The following SNX7 variants were observed in gnomAD, a reference collection of about 807,000 sequenced individuals.
SNX7 encodes the protein sorting nexin-7.
A neutral mutation model predicts 48.4 loss-of-function variants in SNX7; 35 were observed. The observed-to-expected ratio is 0.72, with a 90% CI of 0.55 to 0.96. The LOEUF (loss-of-function observed/expected upper bound fraction) is 0.96, where lower values mean the gene tolerates loss of function less well. Among genes scored for constraint, SNX7 ranks in the 40% least tolerant of loss-of-function variants. The probability of loss-of-function intolerance (pLI) is 0.00; values close to 1 mark genes in which losing one functional copy is unlikely to be tolerated. For synonymous variants in SNX7, 190 were observed against 190.2 expected, an observed-to-expected ratio of 1.00 and a Z score of 0.01; for missense variants, 553 against 548.9, an observed-to-expected ratio of 1.01 and a Z score of -0.07.
intron 7 of SNX7, among the ~76,000 whole-genome samples, chr1:98,708,840 C>T (rs1431583487): frequency 1.3e-5 from 2 of 152,076 alleles, no homozygotes; most frequent in African/African-American, 2.4e-5. Flanking sequence ...CAAAAATCAC[C>T]GTATCTACCT....
chr1:98,700,149 T>C (rs2100972995), intron 6 of SNX7, among the ~76,000 whole-genome samples: 1 of 152,342 alleles, frequency 6.6e-6, no homozygotes, highest in East Asian at 1.9e-4. Flanking sequence ...TTTGATTGAA[T>C]TAATTTTTAG....
intron 7 of SNX7, among the ~76,000 whole-genome samples, chr1:98,737,422 T>TA (rs1653839664): frequency 6.6e-6 from 1 of 152,200 alleles, no homozygotes; most frequent in African/African-American, 2.4e-5. Context: ...TAAGCTGTGG[T>TA]AAAAACAGGG....
chr1:98,665,411 A>G (rs1473173730), intron 1 of SNX7, among the ~76,000 whole-genome samples: 2 of 152,230 alleles, frequency 1.3e-5, no homozygotes, highest in African/African-American at 4.8e-5. Flanking sequence ...CCATGAAATG[A>G]ATTATTTAGT....
intron 7 of SNX7, among the ~76,000 whole-genome samples, chr1:98,735,663 T>C (rs1653735936): frequency 6.6e-6 from 1 of 152,150 alleles, no homozygotes; most frequent in African/African-American, 2.4e-5. Flanking sequence ...GAACATTTAG[T>C]AGGCAAATTT....
chr1:98,692,625 C>A (rs984710319), intron 4 of SNX7, among the ~76,000 whole-genome samples: 1 of 152,130 alleles, frequency 6.6e-6, no homozygotes, highest in Non-Finnish European at 1.5e-5. Flanking sequence ...GAACTACTCA[C>A]ATGGAGATGA....
rs774650075 is a variant in SNX7 at position 98,691,066 on chromosome 1, T to C, written c.364-9T>C. On this transcript the variant is annotated splice_polypyrimidine_tract_variant and intron_variant, in intron 2 of 8. Transcript: ENST00000306121. ...TGCATGTGCTGTTATTTTCTCTTACTTTCTTCAGACATCTCGTGGGGAATT... is the reference window on the plus strand; with the variant it reads ...TGCATGTGCTGTTATTTTCTCTTACCTTCTTCAGACATCTCGTGGGGAATT... 3 of 1,582,300 alleles carry C rather than the reference T, an allele frequency of 1.9e-6. No individual in the cohort carries two copies. In the South Asian group the frequency reaches 3.4e-5, roughly 18 times the overall value.
intron 7 of SNX7, among the ~76,000 whole-genome samples, chr1:98,727,212 A>G (rs1024402973): frequency 1.3e-5 from 1 of 78,020 alleles, no homozygotes; most frequent in Non-Finnish European, 3.4e-5. Flanking sequence ...TCTGTCTCAA[A>G]TAAAGTTTTT....
chr1:98,731,932 A>G (rs1351255588), intron 7 of SNX7, among the ~76,000 whole-genome samples: 1 of 152,104 alleles, frequency 6.6e-6, no homozygotes, highest in African/African-American at 2.4e-5. Flanking sequence ...GCTTTTATGT[A>G]ATTAAATGTA....
Position 98,701,914 on chromosome 1 carries a change from A to C in SNX7, c.1125+11A>C, listed in dbSNP as rs969793587. On this transcript the variant is annotated intron_variant, in intron 7 of 8. Coordinates refer to ENST00000306121, the MANE Select transcript of SNX7 (RefSeq NM_015976.5). ...GCAGATACTGATCTGGTAAGTTTTTAAGTTTCTTGATACAATCATATAGAA... is the reference window on the plus strand; with the variant it reads ...GCAGATACTGATCTGGTAAGTTTTTCAGTTTCTTGATACAATCATATAGAA... 6.3e-7 allele frequency: 1 copy of C among 1,579,000 alleles called. No individual in the cohort carries two copies. Among genetic ancestry groups the C allele is most frequent in the African/African-American group, 1.4e-5 (1 of 73,864 alleles).
chr1:98,726,375 G>A (rs917544399), intron 7 of SNX7, among the ~76,000 whole-genome samples: 10 of 152,180 alleles, frequency 6.6e-5, no homozygotes, highest in African/African-American at 2.4e-4. Context: ...TATAATCTGA[G>A]TCTTGACCTA....
At chr1:98,694,937 T>C (rs1651369822) in intron 4 of SNX7, among the ~76,000 whole-genome samples, 1 of 152,032 alleles carries the variant, frequency 6.6e-6, no homozygotes, top group East Asian at 1.9e-4. Flanking sequence ...GTTAGTTAAC[T>C]TTCCTGTGCC....
chr1:98,706,919 A>G (rs560370385), intron 7 of SNX7, among the ~76,000 whole-genome samples: 5 of 152,300 alleles, frequency 3.3e-5, no homozygotes, highest in African/African-American at 1.2e-4. Context: ...AGATTTGGAA[A>G]GGTAAAGTTT....
intron 1 of SNX7, among the ~76,000 whole-genome samples, chr1:98,663,231 G>T: frequency 7.5e-6 from 1 of 134,184 alleles, no homozygotes; most frequent in East Asian, 2.5e-4. Context: ...TGGTGTATCA[G>T]AATCATCAGG....
intron 5 of SNX7, among the ~76,000 whole-genome samples, chr1:98,696,281 G>A (rs1486829290): frequency 6.6e-6 from 1 of 151,050 alleles, no homozygotes; most frequent in East Asian, 2.0e-4. Flanking sequence ...TTAAAAAATA[G>A]ATAACTGAGT....
chr1:98,705,830 A>G (rs113084922), intron 7 of SNX7, among the ~76,000 whole-genome samples: 178 of 152,276 alleles, frequency 1.2e-3, no homozygotes, highest in African/African-American at 4.0e-3. Flanking sequence ...GGGAACCTGA[A>G]CTGAAGAGGT....
chr1:98,672,577 A>T lies in SNX7; in HGVS notation c.180+10666A>T, dbSNP rs1172965793. 2.6e-5 allele frequency among the ~76,000 whole-genome samples: 4 copies of T among 151,692 alleles called. No individual in the cohort carries two copies. The South Asian group carries it at 6.3e-4, about 24-fold the overall frequency. ...GGACCTTTCTGAATGAATAAAACCA[A>T]ATTTTTAGAATAGAGTATTAAATAC... On this transcript the variant is annotated intron_variant, in intron 1 of 8. Coordinates refer to ENST00000306121, the MANE Select transcript of SNX7 (RefSeq NM_015976.5).
intron 7 of SNX7, among the ~76,000 whole-genome samples, chr1:98,725,842 A>C (rs1653137228): frequency 1.3e-5 from 2 of 152,152 alleles, no homozygotes; most frequent in Non-Finnish European, 2.9e-5. Context: ...GGCTTCAACT[A>C]TCTGATTTGG....
At chr1:98,730,789 G>GA (rs1317543176) in intron 7 of SNX7, among the ~76,000 whole-genome samples, 1 of 152,090 alleles carries the variant, frequency 6.6e-6, no homozygotes, top group African/African-American at 2.4e-5. Context: ...ATACTCATAG[G>GA]TAGAAAGAAT....
intron 8 of SNX7, among the ~76,000 whole-genome samples, chr1:98,746,289 G>T (rs761821953): frequency 6.6e-6 from 1 of 151,960 alleles, no homozygotes; most frequent in Non-Finnish European, 1.5e-5. Flanking sequence ...TTTGGGTCTC[G>T]AATTATTGTA....
Sources: gnomAD v4.1 joint callset for allele counts (sites outside exome capture counted in the v4.1 genomes callset) on GRCh38, gnomAD v4.1.1 for gene constraint, MANE v1.5 for transcripts, NCBI Gene and HGNC (gene_info 2026-07-23, HGNC 2026-07-21) for gene names.